The following SRGAP3 variants were observed in gnomAD, a reference collection of about 807,000 sequenced individuals.
The protein encoded by SRGAP3 is SLIT-ROBO Rho GTPase activating protein 3.
Under a neutral mutation model 121.1 loss-of-function variants are expected in SRGAP3, and 39 were observed. That is an observed-to-expected ratio of 0.32 (90% CI 0.25 to 0.42). The LOEUF is 0.42. Ranked by LOEUF, SRGAP3 falls within the 10% of genes least tolerant of loss-of-function variation. The pLI is 1.00. For synonymous variants in SRGAP3, 601 were observed against 570.0 expected (o/e 1.05, Z -0.77); for missense variants, 1,213 against 1,470.6 (o/e 0.82, Z 2.86).
intron 1 of SRGAP3, among the ~76,000 whole-genome samples, chr3:9,340,991 G>A (rs1037375590): frequency 6.6e-6 from 1 of 152,206 alleles, no homozygotes; most frequent in Non-Finnish European, 1.5e-5. Flanking sequence ...GAGCCAGTAT[G>A]GCTGGGTTTT....
At chr3:9,019,767 C>G (rs1243201448) in intron 14 of SRGAP3, among the ~76,000 whole-genome samples, 1 of 152,226 alleles carries the variant, frequency 6.6e-6, no homozygotes. Context: ...GAGCATGAGC[C>G]AGAGTTCAGT....
upstream of SRGAP3, among the ~76,000 whole-genome samples, chr3:9,251,169 T>C (rs1475390093): frequency 1.3e-5 from 2 of 151,562 alleles, no homozygotes; most frequent in Admixed American, 1.3e-4. Flanking sequence ...GATGTTCTCC[T>C]GGAGCACACA....
chr3:9,272,650 A>G (rs988696854), intron 3 of SRGAP3, among the ~76,000 whole-genome samples: 3 of 152,190 alleles, frequency 2.0e-5, no homozygotes, highest in Non-Finnish European at 4.4e-5. Context: ...ACAAAATTTG[A>G]TACATCAATG....
chr3:9,137,665 G>C (rs2125023332), intron 1 of SRGAP3, among the ~76,000 whole-genome samples: 1 of 152,270 alleles, frequency 6.6e-6, no homozygotes, highest in Middle Eastern at 3.4e-3. Flanking sequence ...CAGAAATCCA[G>C]CTCTGCAGCC....
chr3:9,322,272 G>C (rs999549309), intron 3 of SRGAP3, among the ~76,000 whole-genome samples: 17 of 151,834 alleles, frequency 1.1e-4, no homozygotes, highest in African/African-American at 3.9e-4. Flanking sequence ...ACCTCAGCAA[G>C]ATTTGGGTAC....
At chr3:9,318,871 C>T (rs143370876) in intron 3 of SRGAP3, among the ~76,000 whole-genome samples, 10 of 150,736 alleles carry the variant, frequency 6.6e-5, no homozygotes, top group Non-Finnish European at 1.2e-4. Context: ...AGACTGAGAC[C>T]GCATCTCAAG....
intron 1 of SRGAP3, among the ~76,000 whole-genome samples, chr3:9,361,708 T>C (rs1202009999): frequency 1.3e-5 from 2 of 152,256 alleles, no homozygotes; most frequent in East Asian, 1.9e-4. Context: ...ACCAGCCCTT[T>C]TGAAAGACTC....
chr3:9,242,919 A>C (rs146051394), intron 1 of SRGAP3, among the ~76,000 whole-genome samples: 2 of 152,254 alleles, frequency 1.3e-5, no homozygotes, highest in African/African-American at 4.8e-5. Context: ...TCCTGGGCTC[A>C]AGTGATCCAC....
chr3:9,281,383 A>T (rs1954673642), intron 3 of SRGAP3, among the ~76,000 whole-genome samples: 2 of 152,090 alleles, frequency 1.3e-5, no homozygotes, highest in African/African-American at 4.8e-5. Context: ...ATTAGACTTG[A>T]CCATGGCCAC....
rs1941437205 is a variant in SRGAP3, at chr3:8,981,948, G to A, written c.*3571C>T. The A allele has an allele frequency of 4.4e-6, 1 of 226,932 alleles. No individual in the cohort carries two copies. Among genetic ancestry groups the A allele is most frequent in the African/African-American group, 2.2e-5 (1 of 44,968 alleles). The allele number at this position is 226,932 out of a possible 1,614,324, so 14.1% of individuals were successfully genotyped here. On this transcript the variant is annotated 3_prime_UTR_variant, in exon 22 of 22. Transcript: ENST00000383836. ...CGGGGTTCAAAAGGCGCTTCGAGGT[G>A]AGAAATCGTTAGCACTGAAACAAGG...
At position 9,083,264 on chromosome 3, in the gene SRGAP3, T is replaced by G. The variant is rs556028951; in HGVS notation, c.424-3177A>C. The stretch of plus-strand genomic sequence containing the variant: ...ACCCAAGACCCTATTTCTTATGTGT[T>G]TATTTTTATGATCTTTTTACATAGG... On this transcript the variant is annotated intron_variant, in intron 3 of 21. Coordinates refer to ENST00000383836, the MANE Select transcript of SRGAP3 (RefSeq NM_014850.4). 3.9e-5 allele frequency among the ~76,000 whole-genome samples: 6 copies of G among 152,326 alleles called. No homozygotes were observed. In the South Asian group the frequency reaches 1.2e-3, roughly 32 times the overall value.
intron 3 of SRGAP3, among the ~76,000 whole-genome samples, chr3:9,088,566 AC>A (rs1370831075): frequency 4.6e-5 from 7 of 151,818 alleles, no homozygotes; most frequent in Admixed American, 4.6e-4. Flanking sequence ...CCTACCCCCA[AC>A]CCCCAGTGTG....
intron 14 of SRGAP3, among the ~76,000 whole-genome samples, chr3:9,020,433 T>C (rs1333415597): frequency 6.6e-6 from 1 of 152,132 alleles, no homozygotes; most frequent in Non-Finnish European, 1.5e-5. Context: ...TCTCTATCCC[T>C]GTAGCAGCCT....
At chr3:8,995,317 T>G (rs1330493857) in intron 18 of SRGAP3, among the ~76,000 whole-genome samples, 1 of 151,548 alleles carries the variant, frequency 6.6e-6, no homozygotes, top group Non-Finnish European at 1.5e-5. Context: ...AAAAAAAAAT[T>G]TTTTTTTAAT....
intron 1 of SRGAP3, among the ~76,000 whole-genome samples, chr3:9,235,104 A>G (rs1468941882): frequency 2.0e-5 from 3 of 152,222 alleles, no homozygotes; most frequent in South Asian, 4.1e-4. Flanking sequence ...AGGCGCCACA[A>G]GAGAGTGGTG....
intron 18 of SRGAP3, among the ~76,000 whole-genome samples, chr3:8,995,747 T>A (rs138160404): frequency 6.6e-6 from 1 of 152,222 alleles, no homozygotes; most frequent in East Asian, 1.9e-4. Context: ...TGTTTTATAG[T>A]TTCTACCCTA....
At chr3:9,334,388 G>A (rs566847395) in intron 1 of SRGAP3, among the ~76,000 whole-genome samples, 2 of 151,934 alleles carry the variant, frequency 1.3e-5, no homozygotes, top group East Asian at 1.9e-4. Context: ...AGAGACACAC[G>A]AAAAATATAA....
intron 3 of SRGAP3, among the ~76,000 whole-genome samples, chr3:9,259,917 A>T (rs1423246596): frequency 6.6e-6 from 1 of 151,586 alleles, no homozygotes; most frequent in African/African-American, 2.4e-5. Flanking sequence ...GACCAAGAAG[A>T]CGGGTGACTT....
intron 1 of SRGAP3, among the ~76,000 whole-genome samples, chr3:9,154,584 C>T (rs563911675): frequency 1.6e-3 from 237 of 152,244 alleles, no homozygotes; most frequent in African/African-American, 5.6e-3. Flanking sequence ...CCAACTCCTC[C>T]GTGAAGACTT....
Sources: allele counts gnomAD v4.1 joint callset (sites outside exome capture counted in the v4.1 genomes callset), GRCh38; gene constraint gnomAD v4.1.1; transcripts MANE v1.5; gene names NCBI Gene and HGNC (gene_info 2026-07-23, HGNC 2026-07-21).